LENG8: variants seen among roughly 807,000 people sequenced by gnomAD.
The protein encoded by LENG8 is leukocyte receptor cluster member 8, also known as leukocyte receptor cluster (LRC) member 8.
In LENG8, 28 loss-of-function variants were observed where a neutral mutation model predicts 102.1. The ratio of observed to expected loss-of-function variants is 0.27; its 90% CI spans 0.20 to 0.38. LENG8 has a LOEUF of 0.38. Ranked by LOEUF, LENG8 falls within the 10% of genes least tolerant of loss-of-function variation. The pLI is 1.00. For synonymous variants in LENG8, 531 were observed against 456.7 expected, an observed-to-expected ratio of 1.16 and a Z score of -2.07; for missense variants, 1,022 against 1,113.9, an observed-to-expected ratio of 0.92 and a Z score of 1.17.
At position 54,460,870 on chromosome 19, in the gene LENG8, G is replaced by A; in HGVS notation, c.2345G>A (p.Gly782Asp). ...GAGCCCCTGGGCCTGGCCTACACGG[G>A]CCCGGACAACTCCAGCATCGACTGC... Reference protein sequence around the residue: ...FLEPLGLAYTGPDNSSIDCRL... With the variant: ...FLEPLGLAYTDPDNSSIDCRL... The change falls in exon 16 of 16, where the codon GGC becomes GAC. Residue 782 changes from glycine (G) to aspartate (D), a missense_variant. Around this residue, in one of 7 missense-constraint regions of LENG8, gnomAD observed 129 missense variants for 123.0 expected, o/e 1.05. Transcript: ENST00000326764. 6.4e-7 allele frequency: 1 copy of A among 1,562,374 alleles called. No individual in the cohort carries two copies.
At position 54,461,180 on chromosome 19, in the gene LENG8, G is replaced by A. The variant is rs533364623; in HGVS notation, c.*252G>A. 2.9e-6 allele frequency: 2 copies of A among 687,128 alleles called. No individual in the cohort carries two copies. Among genetic ancestry groups the A allele is most frequent in the Admixed American group, 2.0e-5 (1 of 49,028 alleles). 42.6% of individuals were successfully genotyped at this position (687,128 alleles called of 1,614,324 possible). A position where few individuals can be genotyped will look rare whatever the true frequency, so the allele number is the denominator to read the frequency against. On this transcript the variant is annotated 3_prime_UTR_variant, in exon 16 of 16. Transcript: ENST00000326764. ...CAGCGGAGGGTTGGGGGCATGGTCTGCAGGCTCATCTGTGTCCGCCTTTCA... is the reference window on the plus strand; with the variant it reads ...CAGCGGAGGGTTGGGGGCATGGTCTACAGGCTCATCTGTGTCCGCCTTTCA...
chr19:54,461,267 G>A lies in LENG8; in HGVS notation c.*339G>A, dbSNP rs1002589142. 1.0e-5 allele frequency: 5 copies of A among 498,466 alleles called. No individual in the cohort carries two copies. The highest frequency in any genetic ancestry group is 1.6e-5 in the South Asian group (1 of 62,588). The allele number at this position is 498,466 out of a possible 1,614,324, so 30.9% of individuals were successfully genotyped here. ...CTTTCGAGCTTGCACTCCGGTACCC[G>A]ACCCGGCGCCCTGGCCCATCCCATG... On this transcript the variant is annotated 3_prime_UTR_variant, in exon 16 of 16. Transcript: ENST00000326764.
intron 2 of LENG8, 95 bp from the exon 3 acceptor site, chr19:54,451,998 G>A (rs146368938): frequency 1.3e-4 from 146 of 1,156,698 alleles, no homozygotes; most frequent in Non-Finnish European, 1.6e-4. Flanking sequence ...GTAACAGTTA[G>A]ATATGGGATC....
chr19:54,459,735 A>G (rs1009274718), intron 15 of LENG8: 10 of 1,062,042 alleles, frequency 9.4e-6, no homozygotes, highest in Non-Finnish European at 1.0e-5. Flanking sequence ...GTGTGGGTCA[A>G]GCCAACTTCA....
chr19:54,450,081 G>T (rs530767781), intron 1 of LENG8, among the ~76,000 whole-genome samples: 1 of 152,122 alleles, frequency 6.6e-6, no homozygotes, highest in Non-Finnish European at 1.5e-5. Context: ...CCTTGCTCCG[G>T]AGACACTCCA....
At chr19:54,459,326 C>CT in intron 15 of LENG8, 1 of 1,004,036 alleles carries the variant, frequency 1.0e-6, no homozygotes, top group Non-Finnish European at 1.2e-6. Context: ...GACCGGTAGA[C>CT]TGAAGAGGCC....
At chr19:54,452,623 G>C (rs539770238) in intron 3 of LENG8, 28 bp from the exon 4 acceptor site, 1 of 1,519,122 alleles carries the variant, frequency 6.6e-7, no homozygotes, top group African/African-American at 2.1e-5. Context: ...TTGGGCTGCT[G>C]ACGGCACATG....
In LENG8 at chr19:54,461,126, A is replaced by G; in HGVS notation, c.*198A>G. On this transcript the variant is annotated 3_prime_UTR_variant, in exon 16 of 16. Coordinates refer to ENST00000326764, the MANE Select transcript of LENG8 (RefSeq NM_052925.4). The stretch of plus-strand genomic sequence containing the variant: ...TCTACGTTTTTATTTTTTGCCTCAG[A>G]GGGATGGGATTGGGGAGGAGGGGAT... The G allele has an allele frequency of 2.4e-6, 2 of 850,926 alleles. No homozygotes were observed. The highest frequency in any genetic ancestry group is 1.9e-6 in the Non-Finnish European group (1 of 530,172). The allele number at this position is 850,926 out of a possible 1,614,324, so 52.7% of individuals were successfully genotyped here.
chr19:54,455,326 A>G, intron 7 of LENG8, 38 bp from the exon 8 acceptor site: 4 of 1,606,268 alleles, frequency 2.5e-6, no homozygotes, highest in Non-Finnish European at 2.6e-6. Flanking sequence ...TGAGTTTGGG[A>G]TCGTCTCCAG....
chr19:54,460,719 G>GGGGCC, intron 15 of LENG8, 47 bp from the exon 16 acceptor site: 214 of 778,470 alleles, frequency 2.7e-4, no homozygotes, highest in Non-Finnish European at 3.4e-4. Context: ...GCCCTCCCCT[G>GGGGCC]CCCTCCCGCC....
chr19:54,461,574 AGTT>A lies in LENG8; in HGVS notation c.*649_*651del. On this transcript the variant is annotated 3_prime_UTR_variant, in exon 16 of 16. Transcript: ENST00000326764. ...GGCCGCCTCGTCTCAAGTTGTATAA[AGTT>A]GTCTCCGTGTCCCCTCCTCCCTCTG... 3 of 472,302 alleles carry A rather than the reference AGTT, an allele frequency of 6.4e-6. No individual in the cohort carries two copies. The highest frequency in any genetic ancestry group is 4.6e-5 in the South Asian group (3 of 64,564). 29.3% of individuals were successfully genotyped at this position (472,302 alleles called of 1,614,324 possible). A position where few individuals can be genotyped will look rare whatever the true frequency, so the allele number is the denominator to read the frequency against.
rs750827589 is a variant in LENG8, at chr19:54,456,768, C to T, written c.1578C>T (p.Leu526=). Residue 526 remains leucine, a synonymous_variant, in exon 11 of 16, where the codon CTC becomes CTT. Coordinates refer to ENST00000326764, the MANE Select transcript of LENG8 (RefSeq NM_052925.4). ...ACGGACACTCCCGCCGCCTGCGCCT[C>T]GAGCCCCTGGTGCTGCAGATGAGCA... ...FQHGHSRRLR[L]EPLVLQMSSL... 8.1e-6 allele frequency: 13 copies of T among 1,611,588 alleles called. No individual in the cohort carries two copies. The highest frequency in any genetic ancestry group is 1.7e-4 in the Middle Eastern group (1 of 6,024).
In LENG8 at chr19:54,458,188, C is replaced by T. The variant is rs1023757279; in HGVS notation, c.1988C>T (p.Thr663Ile). The T allele has an allele frequency of 3.0e-5, 48 of 1,614,120 alleles. No homozygotes were observed. The highest frequency in any genetic ancestry group is 4.0e-5 in the Non-Finnish European group (47 of 1,180,050). ...ENLPGNVGEFTAYRILYYIFT... is the reference protein window; with the variant it reads ...ENLPGNVGEFIAYRILYYIFT... Reference sequence around the variant, plus strand: ...TTGCCTGGCAATGTGGGCGAGTTTACTGCCTACCGAATCCTCTACTACATC... The same window carrying T: ...TTGCCTGGCAATGTGGGCGAGTTTATTGCCTACCGAATCCTCTACTACATC... Residue 663 changes from threonine (T) to isoleucine (I), a missense_variant, in exon 14 of 16, where the codon ACT becomes ATT. Thr to Ile is a moderately conservative substitution (Grantham distance 89). Around this residue, in one of 7 missense-constraint regions of LENG8, gnomAD observed 158 missense variants for 229.0 expected, o/e 0.69. Coordinates refer to ENST00000326764, the MANE Select transcript of LENG8 (RefSeq NM_052925.4).
At chr19:54,459,067 C>G (rs2084400874) in intron 15 of LENG8, 1 of 1,398,384 alleles carries the variant, frequency 7.2e-7, no homozygotes. Flanking sequence ...GTCCTTCGTT[C>G]ACTAGACATT....
intron 15 of LENG8, 161 bp downstream of exon 15, chr19:54,458,682 G>A (rs1190227074): frequency 6.4e-7 from 1 of 1,551,488 alleles, no homozygotes; most frequent in Non-Finnish European, 8.7e-7. Context: ...CCCCTCTCCA[G>A]TTCCTCTTGC....
At chr19:54,449,648 G>C (rs1013349413) in intron 1 of LENG8, 2 of 152,290 alleles carry the variant, frequency 1.3e-5, no homozygotes, top group Admixed American at 6.5e-5. Context: ...GCGCAGGCGC[G>C]GCCTGGGCAG....
chr19:54,451,227 C>A, intron 1 of LENG8, 63 bp from the exon 2 acceptor site: 1 of 1,077,312 alleles, frequency 9.3e-7, no homozygotes, highest in Non-Finnish European at 1.4e-6. Flanking sequence ...ACTTTTCTTC[C>A]CCACTTTGTG....
At chr19:54,453,834 C>A (rs2084083197) in intron 5 of LENG8, among the ~76,000 whole-genome samples, 178 bp downstream of exon 5, 1 of 152,204 alleles carries the variant, frequency 6.6e-6, no homozygotes, top group African/African-American at 2.4e-5. Context: ...GGGTTTAAGG[C>A]TGAGCCAAGG....
At chr19:54,453,379 A>C (rs1350569042) in intron 4 of LENG8, among the ~76,000 whole-genome samples, 167 bp from the exon 5 acceptor site, 1 of 152,136 alleles carries the variant, frequency 6.6e-6, no homozygotes, top group African/African-American at 2.4e-5. Flanking sequence ...GGATTGATAG[A>C]GGTTTTTCTT....
Sources: gnomAD v4.1 joint callset for allele counts (sites outside exome capture counted in the v4.1 genomes callset) on GRCh38, gnomAD v4.1.1 for gene constraint, gnomAD v4.1.1 regional missense constraint, MANE v1.5 for transcripts, NCBI Gene and HGNC (gene_info 2026-07-23, HGNC 2026-07-21) for gene names.